Variants in HOXA11 observed in about 807,000 individuals in gnomAD.
HOXA11 encodes the protein homeobox protein Hox-A11.
HOXA11 carries 8 observed loss-of-function variants against 22.5 expected under a neutral mutation model. The observed-to-expected ratio is 0.36, with a 90% CI of 0.21 to 0.64. The LOEUF is 0.64. Ranked by LOEUF, HOXA11 falls within the 30% of genes least tolerant of loss-of-function variation. The pLI is 0.67. For synonymous variants in HOXA11, 211 were observed against 188.4 expected, an observed-to-expected ratio of 1.12 and a Z score of -0.98; for missense variants, 388 against 429.0, an observed-to-expected ratio of 0.90 and a Z score of 0.84.
chr7:27,182,363 C>T lies in HOXA11; in HGVS notation c.*433G>A. ...AGTAATCCTACCCCTTCCTCCTGCC[C>T]CTGTCCCCAAGCTGAACTGGGCTTG... is the stretch of plus-strand genomic sequence containing the variant. On this transcript the variant is annotated 3_prime_UTR_variant, in exon 2 of 2. Coordinates refer to ENST00000006015, the MANE Select transcript of HOXA11 (RefSeq NM_005523.6). 3.0e-6 allele frequency: 1 copy of T among 331,558 alleles called. No homozygotes were observed. The highest frequency in any genetic ancestry group is 5.6e-6 in the Non-Finnish European group (1 of 177,124). The allele number at this position is 331,558 out of a possible 1,614,324, so 20.5% of individuals were successfully genotyped here. A position where few individuals can be genotyped will look rare whatever the true frequency, so the allele number is the denominator to read the frequency against.
At position 27,182,778 on chromosome 7, in the gene HOXA11, A is replaced by G; in HGVS notation, c.*18T>C. On this transcript the variant is annotated 3_prime_UTR_variant, in exon 2 of 2. Coordinates refer to ENST00000006015, the MANE Select transcript of HOXA11 (RefSeq NM_005523.6). The stretch of plus-strand genomic sequence containing the variant: ...TCATGTGTATGAAGCCCCCCACCCA[A>G]TTCCAGCCGCTGGAGTCTTAGAGGA... 2 of 1,495,252 alleles carry G rather than the reference A, an allele frequency of 1.3e-6. No individual in the cohort carries two copies. The highest frequency in any genetic ancestry group is 4.5e-5 in the East Asian group (2 of 44,308). 92.6% of individuals were successfully genotyped at this position (1,495,252 alleles called of 1,614,324 possible). A position where few individuals can be genotyped will look rare whatever the true frequency, so the allele number is the denominator to read the frequency against.
Position 27,181,843 on chromosome 7 carries a change from T to C in HOXA11, c.*953A>G, listed in dbSNP as rs943596631. ...GAGTGTGGTGCTGGAACCCGGTGTT[T>C]TGGGGGACTCAAGGCCCTCATAGCC... On this transcript the variant is annotated 3_prime_UTR_variant, in exon 2 of 2. Coordinates refer to ENST00000006015, the MANE Select transcript of HOXA11 (RefSeq NM_005523.6). 1.7e-4 allele frequency: 37 copies of C among 218,892 alleles called. No individual in the cohort carries two copies. Among genetic ancestry groups the C allele is most frequent in the African/African-American group, 7.4e-4 (33 of 44,482 alleles). The allele number at this position is 218,892 out of a possible 1,614,324, so 13.6% of individuals were successfully genotyped here.
chr7:27,184,796 G>A lies in HOXA11; in HGVS notation c.349C>T (p.His117Tyr), dbSNP rs1197542539. The change falls in exon 1 of 2, where the codon CAC becomes TAC. Residue 117 changes from histidine (H) to tyrosine (Y), a missense_variant. By Grantham distance (83) the His-to-Tyr change is moderately conservative. This residue lies in a region of HOXA11 where 295 missense variants were observed against 281.1 expected (regional missense o/e 1.05). Coordinates refer to ENST00000006015, the MANE Select transcript of HOXA11 (RefSeq NM_005523.6). ...LAKSSANVYH[H>Y]PTPAVSSNFY... is the part of the protein sequence containing the mutation. The stretch of plus-strand genomic sequence containing the variant: ...TTGGACGAGACTGCGGGGGTGGGGT[G>A]GTGGTAGACGTTGGCCGAGCTCTTG... The A allele has an allele frequency of 6.2e-7, 1 of 1,613,956 alleles. No individual in the cohort carries two copies. Among genetic ancestry groups the A allele is most frequent in the South Asian group, 1.1e-5 (1 of 91,090 alleles).
At chr7:27,183,437 A>G (rs1783800729) in intron 1 of HOXA11, among the ~76,000 whole-genome samples, 1 of 152,200 alleles carries the variant, frequency 6.6e-6, no homozygotes, top group Non-Finnish European at 1.5e-5. Context: ...GCCCCTTCCC[A>G]AGGCAGTAAA....
intron 1 of HOXA11, among the ~76,000 whole-genome samples, chr7:27,184,227 G>C (rs1420249975): frequency 6.6e-6 from 1 of 151,910 alleles, no homozygotes; most frequent in Non-Finnish European, 1.5e-5. Flanking sequence ...TTTTTTGCAG[G>C]CATGCCTTGG....
In HOXA11 at chr7:27,182,712, A is replaced by T. The variant is rs1032649522; in HGVS notation, c.*84T>A. 4.7e-5 allele frequency: 41 copies of T among 876,526 alleles called. No homozygotes were observed. Among genetic ancestry groups the T allele is most frequent in the Non-Finnish European group, 7.9e-5 (40 of 508,380 alleles). The allele number at this position is 876,526 out of a possible 1,614,324, so 54.3% of individuals were successfully genotyped here. ...TGCACACCTCTTTTCAAAAGTCACC[A>T]TGTGGCTTGACTTTGTCAAGGGCAA... On this transcript the variant is annotated 3_prime_UTR_variant, in exon 2 of 2. Transcript: ENST00000006015.
In HOXA11 at chr7:27,182,192, A is replaced by G. The variant is rs780525961; in HGVS notation, c.*604T>C. 8.2e-6 allele frequency: 2 copies of G among 244,398 alleles called. No homozygotes were observed. Among genetic ancestry groups the G allele is most frequent in the Non-Finnish European group, 1.6e-5 (2 of 123,900 alleles). The allele number at this position is 244,398 out of a possible 1,614,324, so 15.1% of individuals were successfully genotyped here. On this transcript the variant is annotated 3_prime_UTR_variant, in exon 2 of 2. Transcript: ENST00000006015. ...GGCTGGATCAGTGTGGTGGGTGGCTAGGAGGAGTGGAAAGACACTGATGCC... is the reference window on the plus strand; with the variant it reads ...GGCTGGATCAGTGTGGTGGGTGGCTGGGAGGAGTGGAAAGACACTGATGCC...
intron 1 of HOXA11, among the ~76,000 whole-genome samples, chr7:27,183,747 TAAAAAAAAA>T (rs61633228): frequency 1.9e-5 from 1 of 53,594 alleles, no homozygotes; most frequent in Non-Finnish European, 3.4e-5. Flanking sequence ...GCTCCCCCTT[TAAAAAAAAA>T]AAAAAAAAAA....
chr7:27,181,510 G>T lies in HOXA11; in HGVS notation c.*1286C>A, dbSNP rs969201787. ...AAAAGAAAAAGAGAAAGAAAGAAAA[G>T]AAAATTGATTATGGTTCCTTTATTT... On this transcript the variant is annotated 3_prime_UTR_variant, in exon 2 of 2. Transcript: ENST00000006015. 2 of 195,656 alleles carry T rather than the reference G, an allele frequency of 1.0e-5. No individual in the cohort carries two copies. The highest frequency in any genetic ancestry group is 2.1e-5 in the Non-Finnish European group (2 of 93,878). The allele number at this position is 195,656 out of a possible 1,614,324, so 12.1% of individuals were successfully genotyped here. A position where few individuals can be genotyped will look rare whatever the true frequency, so the allele number is the denominator to read the frequency against.
rs551089087 is a variant in HOXA11, at chr7:27,182,613, T to A, written c.*183A>T. 1.1e-5 allele frequency: 7 copies of A among 663,608 alleles called. 1 individual carries two copies. In the East Asian group the frequency reaches 1.4e-4, roughly 13 times the overall value. 41.1% of individuals were successfully genotyped at this position (663,608 alleles called of 1,614,324 possible). On this transcript the variant is annotated 3_prime_UTR_variant, in exon 2 of 2. Coordinates refer to ENST00000006015, the MANE Select transcript of HOXA11 (RefSeq NM_005523.6). ...CTCAGAATCCAATGATTATTAGGAA[T>A]CTTAACCACTGAGATCTTAATCAAG...
chr7:27,183,000 G>A lies in HOXA11; in HGVS notation c.738C>T (p.Cys246=), dbSNP rs1418764472. Residue 246 remains cysteine (C), a synonymous_variant, in exon 2 of 2, where the codon TGC becomes TGT. Transcript: ENST00000006015. The part of the protein sequence containing the change: ...SSGQRTRKKR[C]PYTKYQIREL... Reference sequence around the variant, plus strand: ...CTCGGATCTGGTACTTGGTATAGGGGCAGCGCTTTTTGCGGGTGCGTTGGC... The same window carrying A: ...CTCGGATCTGGTACTTGGTATAGGGACAGCGCTTTTTGCGGGTGCGTTGGC... 2 of 1,613,922 alleles carry A rather than the reference G, an allele frequency of 1.2e-6. No homozygotes were observed. Among genetic ancestry groups the A allele is most frequent in the Non-Finnish European group, 1.7e-6 (2 of 1,179,940 alleles).
intron 1 of HOXA11, 23 bp downstream of exon 1, chr7:27,184,413 C>T (rs752001907): frequency 1.7e-5 from 27 of 1,572,464 alleles, no homozygotes; most frequent in Non-Finnish European, 8.6e-7. Context: ...TCATAAAGCG[C>T]AGGGCGCTGC....
Position 27,182,706 on chromosome 7 carries a change from G to C in HOXA11, c.*90C>G. The C allele has an allele frequency of 1.2e-6, 1 of 858,214 alleles. No individual in the cohort carries two copies. The highest frequency in any genetic ancestry group is 2.0e-6 in the Non-Finnish European group (1 of 492,620). 53.2% of individuals were successfully genotyped at this position (858,214 alleles called of 1,614,324 possible). ...CTCTCTTGCACACCTCTTTTCAAAAGTCACCATGTGGCTTGACTTTGTCAA... is the reference window on the plus strand; with the variant it reads ...CTCTCTTGCACACCTCTTTTCAAAACTCACCATGTGGCTTGACTTTGTCAA... On this transcript the variant is annotated 3_prime_UTR_variant, in exon 2 of 2. Transcript: ENST00000006015.
Position 27,184,883 on chromosome 7 carries a change from G to C in HOXA11, c.262C>G (p.Leu88Val). 1 of 1,614,052 alleles carries C rather than the reference G, an allele frequency of 6.2e-7. No individual in the cohort carries two copies. ...NLAHCYSAEE[L>V]VHRDCLQAPS... ...GCCTGCAGGCAGTCTCTGTGCACGA[G>C]CTCCTCCGCGGAGTAGCAGTGGGCC... Residue 88 changes from leucine (L) to valine (V), a missense_variant, in exon 1 of 2, where the codon CTC (leucine) becomes GTC (valine). Around this residue, in one of 4 missense-constraint regions of HOXA11, gnomAD observed 295 missense variants for 281.1 expected, o/e 1.05. Coordinates refer to ENST00000006015, the MANE Select transcript of HOXA11 (RefSeq NM_005523.6).
At position 27,184,700 on chromosome 7, in the gene HOXA11, C is replaced by T; in HGVS notation, c.445G>A (p.Gly149Ser). Residue 149 changes from glycine (G) to serine (S), a missense_variant, in exon 1 of 2, where the codon GGC becomes AGC. Physicochemically the swap from Gly to Ser is moderately conservative, Grantham distance 56. Around this residue, in one of 4 missense-constraint regions of HOXA11, gnomAD observed 295 missense variants for 281.1 expected, o/e 1.05. Transcript: ENST00000006015. The stretch of plus-strand genomic sequence containing the variant: ...GAGGAGGCGAGGTTTTCCGGGGTGC[C>T]GTAGGCTGTCTCGAAAAACTGGTCG... ...AFDQFFETAY[G>S]TPENLASSDY... 1 of 1,613,550 alleles carries T rather than the reference C, an allele frequency of 6.2e-7. No homozygotes were observed. The highest frequency in any genetic ancestry group is 2.2e-5 in the East Asian group (1 of 44,862).
In HOXA11 at chr7:27,184,890, C is replaced by T. The variant is rs750664010; in HGVS notation, c.255G>A (p.Ala85=). The change falls in exon 1 of 2, where the codon GCG becomes GCA. Residue 85 remains alanine (A), a synonymous_variant. Coordinates refer to ENST00000006015, the MANE Select transcript of HOXA11 (RefSeq NM_005523.6). ...PRGNLAHCYS[A]EELVHRDCLQ... is the part of the protein sequence containing the mutation. ...GGCAGTCTCTGTGCACGAGCTCCTCCGCGGAGTAGCAGTGGGCCAGATTGC... is the reference window on the plus strand; with the variant it reads ...GGCAGTCTCTGTGCACGAGCTCCTCTGCGGAGTAGCAGTGGGCCAGATTGC... The T allele has an allele frequency of 1.2e-6, 2 of 1,614,080 alleles. No homozygotes were observed. Among genetic ancestry groups the T allele is most frequent in the Non-Finnish European group, 8.5e-7 (1 of 1,179,998 alleles).
intron 1 of HOXA11, 24 bp from the exon 2 acceptor site, chr7:27,183,052 G>C (rs767500718): frequency 1.3e-6 from 2 of 1,516,748 alleles, no homozygotes; most frequent in Non-Finnish European, 1.8e-6. Flanking sequence ...AAAGGCATGG[G>C]GTGAGCCAGG....
In HOXA11 at chr7:27,184,559, C is replaced by T. The variant is rs1304980099; in HGVS notation, c.586G>A (p.Gly196Ser). ...APATSSSDSG[G>S]GGGCRETAAA... is the part of the protein sequence containing the mutation. The stretch of plus-strand genomic sequence containing the variant: ...GCCGTCTCCCGGCAGCCGCCGCCGC[C>T]GCCGCTGTCCGAACTTGAAGTTGCC... The change falls in exon 1 of 2, where the codon GGC becomes AGC. Residue 196 changes from glycine (G) to serine (S), a missense_variant. Gly to Ser is a moderately conservative substitution (Grantham distance 56). This residue lies in a region of HOXA11 where 295 missense variants were observed against 281.1 expected (regional missense o/e 1.05). Coordinates refer to ENST00000006015, the MANE Select transcript of HOXA11 (RefSeq NM_005523.6). The T allele has an allele frequency of 5.3e-6, 8 of 1,496,444 alleles. No individual in the cohort carries two copies. The highest frequency in any genetic ancestry group is 2.8e-5 in the East Asian group (1 of 35,508). 92.7% of individuals were successfully genotyped at this position (1,496,444 alleles called of 1,614,324 possible).
chr7:27,182,820 G>A lies in HOXA11; in HGVS notation c.918C>T (p.Tyr306=). 2 of 1,610,106 alleles carry A rather than the reference G, an allele frequency of 1.2e-6. No homozygotes were observed. Among genetic ancestry groups the A allele is most frequent in the Non-Finnish European group, 1.7e-6 (2 of 1,176,390 alleles). The part of the protein sequence containing the change: ...EKKINRDRLQ[Y]YSANPLL ...CTTAGAGGAGTGGATTTGCTGAGTA[G>A]TACTGTAAACGGTCTCTGTTAATTT... The change falls in exon 2 of 2, where the codon TAC becomes TAT. Residue 306 remains tyrosine (Y), a synonymous_variant. Transcript: ENST00000006015.
Sources: gnomAD v4.1 joint callset for allele counts (sites outside exome capture counted in the v4.1 genomes callset) on GRCh38, gnomAD v4.1.1 for gene constraint, gnomAD v4.1.1 regional missense constraint, MANE v1.5 for transcripts, NCBI Gene and HGNC (gene_info 2026-07-23, HGNC 2026-07-21) for gene names.